Variants in SCN11A observed in about 807,000 individuals in gnomAD.
The protein encoded by SCN11A is sodium channel protein type 11 subunit alpha.
In SCN11A, 122 loss-of-function variants were observed where a neutral mutation model predicts 162.2. That is an observed-to-expected ratio of 0.75 (90% CI 0.65 to 0.87). The LOEUF (loss-of-function observed/expected upper bound fraction) is 0.87, where lower values mean the gene tolerates loss of function less well. SCN11A is among the 40% of genes least tolerant of loss of function. The pLI is 0.00. For missense variants in SCN11A, 2,015 were observed against 2,181.6 expected (o/e 0.92, Z 1.52); for synonymous variants, 758 against 751.5 (o/e 1.01, Z -0.14).
intron 2 of SCN11A, among the ~76,000 whole-genome samples, chr3:39,006,715 T>C (rs866227081): frequency 4.6e-5 from 7 of 152,208 alleles, no homozygotes; most frequent in Middle Eastern, 6.8e-3. Flanking sequence ...GGTGGGAGGA[T>C]TGCTTGAGCC....
intron 3 of SCN11A, among the ~76,000 whole-genome samples, chr3:38,954,120 CTG>C (rs1318166259): frequency 6.6e-6 from 1 of 152,198 alleles, no homozygotes; most frequent in African/African-American, 2.4e-5. Context: ...GAATGTAGGA[CTG>C]TAGATTCATC....
intron 11 of SCN11A, among the ~76,000 whole-genome samples, chr3:38,912,021 T>C (rs754251954): frequency 6.6e-6 from 1 of 152,152 alleles, no homozygotes; most frequent in Non-Finnish European, 1.5e-5. Context: ...TGATTGGGAT[T>C]TGCCTGGTGG....
intron 23 of SCN11A, among the ~76,000 whole-genome samples, chr3:38,875,206 G>A (rs1471417220): frequency 6.6e-6 from 1 of 152,058 alleles, no homozygotes; most frequent in Non-Finnish European, 1.5e-5. Flanking sequence ...CACATTTGTT[G>A]AGTGCTTTAT....
intron 1 of SCN11A, among the ~76,000 whole-genome samples, chr3:39,045,748 C>T (rs2032167423): frequency 1.3e-5 from 2 of 152,288 alleles, no homozygotes; most frequent in South Asian, 4.2e-4. Flanking sequence ...CAAAGATACC[C>T]ACTTTCACCA....
At chr3:38,929,388 C>T (rs1487346419) in intron 7 of SCN11A, among the ~76,000 whole-genome samples, 1 of 152,004 alleles carries the variant, frequency 6.6e-6, no homozygotes, top group Non-Finnish European at 1.5e-5. Context: ...GAGGCAGGGG[C>T]TGAGGGGAAG....
At chr3:39,011,982 A>G (rs920345328) in intron 2 of SCN11A, among the ~76,000 whole-genome samples, 2 of 152,244 alleles carry the variant, frequency 1.3e-5, no homozygotes, top group African/African-American at 4.8e-5. Flanking sequence ...ACATTTTAGA[A>G]AAGAAAAATA....
At chr3:38,941,028 T>A (rs1325848723) in intron 7 of SCN11A, among the ~76,000 whole-genome samples, 1 of 152,188 alleles carries the variant, frequency 6.6e-6, no homozygotes, top group Non-Finnish European at 1.5e-5. Context: ...AGAAGGTACC[T>A]GCAATGCATA....
chr3:38,935,344 A>G (rs1420599528), intron 7 of SCN11A, among the ~76,000 whole-genome samples: 1 of 152,190 alleles, frequency 6.6e-6, no homozygotes, highest in Non-Finnish European at 1.5e-5. Context: ...AACACATTCA[A>G]AAGCTAGCAG....
At chr3:38,917,984 T>C (rs1433639662) in intron 11 of SCN11A, among the ~76,000 whole-genome samples, 1 of 152,234 alleles carries the variant, frequency 6.6e-6, no homozygotes, top group Non-Finnish European at 1.5e-5. Flanking sequence ...CACCACTCTC[T>C]ATTGTCATAT....
intron 1 of SCN11A, among the ~76,000 whole-genome samples, chr3:39,037,814 A>C (rs2031945044): frequency 6.6e-6 from 1 of 152,172 alleles, no homozygotes; most frequent in Non-Finnish European, 1.5e-5. Context: ...TGAGAATGGG[A>C]GCCGAAAATA....
chr3:38,945,575 A>C, intron 6 of SCN11A, 63 bp from the exon 7 acceptor site: 3 of 1,159,138 alleles, frequency 2.6e-6, no homozygotes, highest in South Asian at 1.9e-5. Flanking sequence ...CTACTGGGTA[A>C]GACTGGGGGT....
intron 11 of SCN11A, among the ~76,000 whole-genome samples, chr3:38,918,344 C>T (rs2065993453): frequency 6.6e-6 from 1 of 152,210 alleles, no homozygotes; most frequent in Non-Finnish European, 1.5e-5. Context: ...GGCTGTACAG[C>T]AAGTGAGCAG....
At chr3:38,992,036 T>C (rs530249934) in intron 2 of SCN11A, among the ~76,000 whole-genome samples, 93 of 152,232 alleles carry the variant, frequency 6.1e-4, no homozygotes, top group Non-Finnish European at 1.1e-3. Flanking sequence ...CTCGAACTCC[T>C]GACCTCAGGT....
At chr3:38,886,071 A>T in intron 20 of SCN11A, 54 bp downstream of exon 20, 1 of 1,117,480 alleles carries the variant, frequency 8.9e-7, no homozygotes, top group Non-Finnish European at 1.3e-6. Flanking sequence ...ACTATCCTGG[A>T]GAAGGTGTGT....
chr3:38,921,946 T>C (rs902811227), intron 9 of SCN11A, among the ~76,000 whole-genome samples: 2 of 152,228 alleles, frequency 1.3e-5, no homozygotes, highest in African/African-American at 4.8e-5. Context: ...AGGAGAGCCC[T>C]GATCTATAGC....
At chr3:39,028,718 G>C (rs2031664207) in intron 2 of SCN11A, among the ~76,000 whole-genome samples, 2 of 152,200 alleles carry the variant, frequency 1.3e-5, no homozygotes, top group Non-Finnish European at 2.9e-5. Flanking sequence ...GAGAGCAAGA[G>C]TGTGCAAAAA....
intron 16 of SCN11A, among the ~76,000 whole-genome samples, chr3:38,900,427 AG>A (rs1024895152): frequency 6.6e-6 from 1 of 152,192 alleles, no homozygotes; most frequent in Non-Finnish European, 1.5e-5. Context: ...AATTCTCTTT[AG>A]AATACCAATT....
At chr3:38,915,507 T>C (rs2065947242) in intron 11 of SCN11A, among the ~76,000 whole-genome samples, 1 of 152,188 alleles carries the variant, frequency 6.6e-6, no homozygotes, top group Admixed American at 6.5e-5. Flanking sequence ...TGTATCTTTG[T>C]TCTCATTAGT....
chr3:38,985,483 C>T (rs2030206003), intron 2 of SCN11A, among the ~76,000 whole-genome samples: 1 of 150,746 alleles, frequency 6.6e-6, no homozygotes, highest in Admixed American at 6.6e-5. Context: ...ATGAAAAGAT[C>T]AGTGGGGACA....
Sources: gnomAD v4.1 joint callset for allele counts (sites outside exome capture counted in the v4.1 genomes callset) on GRCh38, gnomAD v4.1.1 for gene constraint, MANE v1.5 for transcripts, NCBI Gene and HGNC (gene_info 2026-07-23, HGNC 2026-07-21) for gene names.